The following ALOX5AP variants were observed in gnomAD, a reference collection of about 807,000 sequenced individuals.
ALOX5AP encodes arachidonate 5-lipoxygenase-activating protein.
ALOX5AP carries 9 observed loss-of-function variants against 18.5 expected under a neutral mutation model. That is an observed-to-expected ratio of 0.49 (90% confidence interval 0.29 to 0.85). ALOX5AP has a LOEUF of 0.85. Among genes scored for constraint, ALOX5AP ranks in the 40% least tolerant of loss-of-function variants. The probability of loss-of-function intolerance (pLI) is 0.08; values close to 1 mark genes in which losing one functional copy is unlikely to be tolerated. For synonymous variants in ALOX5AP, 81 were observed against 78.6 expected (o/e 1.03, Z -0.16); for missense variants, 172 against 202.5 (o/e 0.85, Z 0.91).
chr13:30,741,937 C>T (rs1005217114), intron 1 of ALOX5AP, among the ~76,000 whole-genome samples: 5 of 150,748 alleles, frequency 3.3e-5, no homozygotes, highest in Middle Eastern at 3.4e-3. Context: ...GCAGGGAATA[C>T]CATCTTGGGT....
chr13:30,734,333 C>T (rs377015244), upstream of ALOX5AP, among the ~76,000 whole-genome samples: 1 of 152,152 alleles, frequency 6.6e-6, no homozygotes, highest in East Asian at 1.9e-4. Context: ...GGCACTGTAC[C>T]TATGAGGGAG....
chr13:30,734,068 G>A (rs1003203362), upstream of ALOX5AP, among the ~76,000 whole-genome samples: 2 of 152,166 alleles, frequency 1.3e-5, no homozygotes, highest in African/African-American at 4.8e-5. Flanking sequence ...ATGAGCATGT[G>A]AACCAATTTC....
intron 1 of ALOX5AP, among the ~76,000 whole-genome samples, chr13:30,725,053 G>A (rs1017531207): frequency 4.6e-5 from 7 of 152,194 alleles, no homozygotes; most frequent in Admixed American, 6.5e-5. Context: ...TGGGGTGCCC[G>A]TGAAGGACAG....
In ALOX5AP at chr13:30,750,606, C is replaced by T. The variant is rs547359608; in HGVS notation, c.171-1446C>T. On this transcript the variant is annotated intron_variant, in intron 2 of 4. Coordinates refer to ENST00000380490, the MANE Select transcript of ALOX5AP (RefSeq NM_001629.4). Reference sequence around the variant, plus strand: ...ATTCAGCTTCTCCAAGCCTGAGTTCCTTATTGGAAACATGAGAGCAATTGT... The same window carrying T: ...ATTCAGCTTCTCCAAGCCTGAGTTCTTTATTGGAAACATGAGAGCAATTGT... 3.9e-5 allele frequency among the ~76,000 whole-genome samples: 6 copies of T among 152,294 alleles called. No individual in the cohort carries two copies. The South Asian group carries it at 1.2e-3, about 32-fold the overall frequency.
intron 1 of ALOX5AP, among the ~76,000 whole-genome samples, chr13:30,726,203 G>A (rs545451217): frequency 2.0e-5 from 3 of 152,236 alleles, no homozygotes; most frequent in South Asian, 2.1e-4. Flanking sequence ...CCATCTCCTC[G>A]TGCCAGTGAA....
chr13:30,722,424 T>C (rs1951601427), intron 1 of ALOX5AP, among the ~76,000 whole-genome samples: 1 of 152,246 alleles, frequency 6.6e-6, no homozygotes, highest in South Asian at 2.1e-4. Context: ...TTTTATTTTT[T>C]TTTGTTTATA....
intron 3 of ALOX5AP, among the ~76,000 whole-genome samples, chr13:30,752,368 G>C (rs1951859788): frequency 6.6e-6 from 1 of 152,154 alleles, no homozygotes; most frequent in Non-Finnish European, 1.5e-5. Flanking sequence ...TGCTGACAAG[G>C]GTGGTTTAAG....
At chr13:30,724,585 C>A (rs1203968404) in intron 1 of ALOX5AP, among the ~76,000 whole-genome samples, 3 of 152,150 alleles carry the variant, frequency 2.0e-5, no homozygotes, top group African/African-American at 7.2e-5. Flanking sequence ...ATAGGTGAAC[C>A]CCAGCATAGC....
intron 1 of ALOX5AP, among the ~76,000 whole-genome samples, chr13:30,715,215 C>T (rs1951540487): frequency 6.6e-6 from 1 of 152,154 alleles, no homozygotes. Context: ...CTGGGGCTCT[C>T]CAAGCTTCAC....
intron 1 of ALOX5AP, among the ~76,000 whole-genome samples, chr13:30,739,819 A>C (rs544714845): frequency 6.6e-6 from 1 of 152,368 alleles, no homozygotes; most frequent in Non-Finnish European, 1.5e-5. Context: ...AGGAGTCGTG[A>C]AGCTGGGATT....
intron 1 of ALOX5AP, among the ~76,000 whole-genome samples, chr13:30,738,133 A>G (rs994634013): frequency 6.6e-6 from 1 of 152,218 alleles, no homozygotes; most frequent in Non-Finnish European, 1.5e-5. Flanking sequence ...TCCCAAGACA[A>G]GGAGGTACAG....
upstream of ALOX5AP, among the ~76,000 whole-genome samples, chr13:30,733,123 C>T (rs1201766992): frequency 6.9e-6 from 1 of 145,624 alleles, no homozygotes; most frequent in Non-Finnish European, 1.5e-5. Context: ...CGCGCCACTG[C>T]ACTCCAGCCT....
In ALOX5AP at chr13:30,764,319, A is replaced by AT; in HGVS notation, c.*215dup. ...ACATGACCGTGGCCCCAAATTTGCTATTCCCATGCATTTTGTTTGTTTCTT... is the reference window on the plus strand; with the variant it reads ...ACATGACCGTGGCCCCAAATTTGCTATTTCCCATGCATTTTGTTTGTTTCTT... On this transcript the variant is annotated 3_prime_UTR_variant, in exon 5 of 5. Coordinates refer to ENST00000380490, the MANE Select transcript of ALOX5AP (RefSeq NM_001629.4). The AT allele has an allele frequency of 2.0e-6, 1 of 494,242 alleles. No individual in the cohort carries two copies. The highest frequency in any genetic ancestry group is 4.0e-5 in the Admixed American group (1 of 24,944). 30.6% of individuals were successfully genotyped at this position (494,242 alleles called of 1,614,324 possible). A position where few individuals can be genotyped will look rare whatever the true frequency, so the allele number is the denominator to read the frequency against.
At chr13:30,747,622 A>G (rs541926481) in intron 2 of ALOX5AP, among the ~76,000 whole-genome samples, 1 of 152,364 alleles carries the variant, frequency 6.6e-6, no homozygotes, top group Non-Finnish European at 1.5e-5. Context: ...CACAGGTTGC[A>G]GAGAGGAGAA....
intron 1 of ALOX5AP, among the ~76,000 whole-genome samples, chr13:30,729,735 C>T (rs1222676858): frequency 6.6e-6 from 1 of 152,170 alleles, no homozygotes; most frequent in African/African-American, 2.4e-5. Context: ...CACCACTATG[C>T]CCATCTAATT....
intron 1 of ALOX5AP, among the ~76,000 whole-genome samples, chr13:30,718,155 C>A (rs1056706857): frequency 2.0e-5 from 3 of 151,708 alleles, no homozygotes; most frequent in African/African-American, 7.3e-5. Flanking sequence ...GACAGGGTTT[C>A]TCCATGTTGG....
At chr13:30,731,773 C>A (rs1566081446), upstream of ALOX5AP, among the ~76,000 whole-genome samples, 1 of 152,238 alleles carries the variant, frequency 6.6e-6, no homozygotes, top group South Asian at 2.1e-4. Context: ...AAATGTGAGG[C>A]TCTGGGTACA....
At chr13:30,755,037 C>G (rs1377931842) in intron 3 of ALOX5AP, among the ~76,000 whole-genome samples, 1 of 152,248 alleles carries the variant, frequency 6.6e-6, no homozygotes. Flanking sequence ...CAGCTCCAAG[C>G]CTTCAGGACT....
chr13:30,729,582 T>TTA (rs1951665446), intron 1 of ALOX5AP, among the ~76,000 whole-genome samples: 1 of 151,084 alleles, frequency 6.6e-6, no homozygotes, highest in African/African-American at 2.4e-5. Context: ...CTGTATTTTT[T>TTA]TTTTTTTTTT....
Sources: allele counts gnomAD v4.1 joint callset (sites outside exome capture counted in the v4.1 genomes callset), GRCh38; gene constraint gnomAD v4.1.1; transcripts MANE v1.5; gene names NCBI Gene and HGNC (gene_info 2026-07-23, HGNC 2026-07-21).